DOCK1: variants seen among roughly 807,000 people sequenced by gnomAD.
DOCK1 encodes the protein dedicator of cytokinesis protein 1.
DOCK1 carries 138 observed loss-of-function variants against 262.7 expected under a neutral mutation model. The ratio of observed to expected loss-of-function variants is 0.53; its 90% CI spans 0.46 to 0.61. The LOEUF (loss-of-function observed/expected upper bound fraction) is 0.61, where lower values mean the gene tolerates loss of function less well. Ranked by LOEUF, DOCK1 falls within the 20% of genes least tolerant of loss-of-function variation. The probability of loss-of-function intolerance (pLI) is 0.00; values close to 1 mark genes in which losing one functional copy is unlikely to be tolerated. For synonymous variants in DOCK1, 866 were observed against 867.4 expected (o/e 1.00, Z 0.03); for missense variants, 1,908 against 2,370.7 (o/e 0.80, Z 4.05).
chr10:127,414,068 C>T (rs2068017059), intron 43 of DOCK1, among the ~76,000 whole-genome samples: 1 of 152,146 alleles, frequency 6.6e-6, no homozygotes, highest in African/African-American at 2.4e-5. Context: ...CATGCCACCA[C>T]ATCTGGCTAA....
At chr10:127,211,579 T>C (rs530204499) in intron 27 of DOCK1, among the ~76,000 whole-genome samples, 2 of 152,246 alleles carry the variant, frequency 1.3e-5, no homozygotes, top group Non-Finnish European at 2.9e-5. Context: ...CTGCTGACAT[T>C]TCACAGCTTT....
At chr10:127,402,028 G>C (rs900020350) in intron 38 of DOCK1, among the ~76,000 whole-genome samples, 2 of 152,196 alleles carry the variant, frequency 1.3e-5, no homozygotes, top group African/African-American at 4.8e-5. Flanking sequence ...AATGATGGAA[G>C]TTGAATGCAG....
chr10:127,349,089 C>G (rs2063767849), intron 31 of DOCK1, among the ~76,000 whole-genome samples: 1 of 152,116 alleles, frequency 6.6e-6, no homozygotes, highest in Admixed American at 6.5e-5. Context: ...CCCACCCCCT[C>G]TCACCTCTTT....
At chr10:127,014,633 G>T (rs1392411871) in intron 12 of DOCK1, among the ~76,000 whole-genome samples, 1 of 152,120 alleles carries the variant, frequency 6.6e-6, no homozygotes, top group Non-Finnish European at 1.5e-5. Flanking sequence ...GATATATTTT[G>T]TGGACATTCA....
intron 1 of DOCK1, among the ~76,000 whole-genome samples, chr10:126,920,966 G>A (rs1447209740): frequency 6.6e-6 from 1 of 152,156 alleles, no homozygotes; most frequent in Non-Finnish European, 1.5e-5. Context: ...GGAGGCCGAG[G>A]CGGGCAGATC....
chr10:127,052,930 T>C (rs377176478), intron 22 of DOCK1, 115 bp downstream of exon 22: 24 of 1,452,574 alleles, frequency 1.7e-5, no homozygotes, highest in Middle Eastern at 2.5e-4. Context: ...TCCCCCTTTT[T>C]CCCCCTTGCT....
At chr10:127,435,033 T>C (rs1369890406) in intron 48 of DOCK1, among the ~76,000 whole-genome samples, 1 of 152,230 alleles carries the variant, frequency 6.6e-6, no homozygotes, top group Non-Finnish European at 1.5e-5. Flanking sequence ...ACTTTGGAGA[T>C]GCATTTTTGC....
intron 3 of DOCK1, among the ~76,000 whole-genome samples, chr10:126,978,306 C>T (rs963276066): frequency 1.3e-5 from 2 of 152,108 alleles, no homozygotes; most frequent in African/African-American, 4.8e-5. Context: ...AAAGCGACTT[C>T]AGGAAAAAAA....
At chr10:127,122,350 G>A (rs1376810403) in intron 25 of DOCK1, among the ~76,000 whole-genome samples, 1 of 152,194 alleles carries the variant, frequency 6.6e-6, no homozygotes, top group Non-Finnish European at 1.5e-5. Context: ...TGGCCTTTAG[G>A]GAAAGAGCCT....
At chr10:127,342,389 G>A (rs935508612) in intron 30 of DOCK1, among the ~76,000 whole-genome samples, 2 of 152,148 alleles carry the variant, frequency 1.3e-5, no homozygotes, top group South Asian at 2.1e-4. Context: ...GGTTGGGGGT[G>A]CCTGGCTCAG....
intron 22 of DOCK1, 61 bp downstream of exon 22, chr10:127,052,876 CT>C (rs1357347185): frequency 1.9e-6 from 3 of 1,552,510 alleles, no homozygotes; most frequent in South Asian, 1.2e-5. Context: ...TCCTTCACTT[CT>C]TTCCTTCCCC....
In DOCK1 at chr10:127,250,656, T is replaced by C. The variant is rs373779691; in HGVS notation, c.2949+2547T>C. Among the ~76,000 whole-genome samples, 15 of 151,420 alleles carry C rather than the reference T, an allele frequency of 9.9e-5. No individual in the cohort carries two copies. In the East Asian group the frequency reaches 1.2e-3, roughly 12 times the overall value. ...AAATATAAAAATTAGCCAGGCATGG[T>C]TGGGGGGCACCTGTAATCCCAGCTA... On this transcript the variant is annotated intron_variant, in intron 28 of 51. Coordinates refer to ENST00000623213, the MANE Select transcript of DOCK1 (RefSeq NM_001290223.2).
chr10:127,137,614 C>T, intron 27 of DOCK1: 2 of 450,712 alleles, frequency 4.4e-6, no homozygotes, highest in Non-Finnish European at 3.9e-6. Context: ...TTTTACATCC[C>T]ACATCAGTGA....
At chr10:127,211,719 G>C (rs2057984882) in intron 27 of DOCK1, among the ~76,000 whole-genome samples, 1 of 152,136 alleles carries the variant, frequency 6.6e-6, no homozygotes, top group Non-Finnish European at 1.5e-5. Flanking sequence ...CATGTACCTG[G>C]TGAAAAGTGA....
At chr10:126,920,480 C>A (rs35810109) in intron 1 of DOCK1, among the ~76,000 whole-genome samples, 1 of 152,092 alleles carries the variant, frequency 6.6e-6, no homozygotes, top group South Asian at 2.1e-4. Flanking sequence ...GGGTCTTGAT[C>A]ATCTGTAAAA....
chr10:127,316,376 G>C (rs920023856), intron 29 of DOCK1, among the ~76,000 whole-genome samples: 3 of 152,280 alleles, frequency 2.0e-5, no homozygotes, highest in African/African-American at 7.2e-5. Flanking sequence ...CTGTATCTAT[G>C]TGACGATAAA....
At chr10:126,988,908 A>G (rs565943329) in intron 5 of DOCK1, among the ~76,000 whole-genome samples, 21 of 152,202 alleles carry the variant, frequency 1.4e-4, no homozygotes, top group Non-Finnish European at 2.6e-4. Flanking sequence ...CCCCGTCCCT[A>G]CTAAAAATAC....
intron 21 of DOCK1, among the ~76,000 whole-genome samples, chr10:127,045,146 C>A (rs909006100): frequency 7.2e-6 from 1 of 138,102 alleles, no homozygotes; most frequent in South Asian, 2.4e-4. Context: ...TGCAGTGAGC[C>A]GAGATCGTGC....
intron 31 of DOCK1, among the ~76,000 whole-genome samples, chr10:127,347,236 C>A (rs1285465090): frequency 5.3e-5 from 8 of 152,268 alleles, no homozygotes; most frequent in African/African-American, 1.9e-4. Flanking sequence ...TCAGTGCCCA[C>A]TCTGTGCTCA....
Sources: gnomAD v4.1 joint callset for allele counts (sites outside exome capture counted in the v4.1 genomes callset) on GRCh38, gnomAD v4.1.1 for gene constraint, MANE v1.5 for transcripts, NCBI Gene and HGNC (gene_info 2026-07-23, HGNC 2026-07-21) for gene names.